DLGAP2: variants seen among roughly 807,000 people sequenced by gnomAD.
The protein encoded by DLGAP2 is disks large-associated protein 2.
Under a neutral mutation model 100.3 loss-of-function variants are expected in DLGAP2, and 26 were observed. That is an observed-to-expected ratio of 0.26 (90% CI 0.19 to 0.36). DLGAP2 has a LOEUF of 0.36. DLGAP2 is among the 10% of genes least tolerant of loss of function. The pLI is 1.00. For missense variants in DLGAP2, 1,858 were observed against 1,453.2 expected (o/e 1.28, Z -4.53); for synonymous variants, 886 against 630.1 (o/e 1.41, Z -6.08).
intron 2 of DLGAP2, among the ~76,000 whole-genome samples, chr8:1,243,786 C>A (rs1251845253): frequency 1.3e-5 from 2 of 152,162 alleles, no homozygotes; most frequent in East Asian, 1.9e-4. Context: ...GGGCCACCCA[C>A]CCTGCCACCA....
intron 1 of DLGAP2, among the ~76,000 whole-genome samples, chr8:827,153 G>T (rs1235722565): frequency 6.6e-6 from 1 of 152,190 alleles, no homozygotes; most frequent in Non-Finnish European, 1.5e-5. Flanking sequence ...GCAGCCTACA[G>T]TGCCTGGACA....
intron 14 of DLGAP2, among the ~76,000 whole-genome samples, chr8:1,699,354 C>G (rs1292536561): frequency 6.6e-6 from 1 of 151,722 alleles, no homozygotes; most frequent in Non-Finnish European, 1.5e-5. Flanking sequence ...GCCTGTAATC[C>G]CAGCACTTCG....
At chr8:1,126,077 C>T (rs1031442697) in intron 2 of DLGAP2, among the ~76,000 whole-genome samples, 17 of 152,206 alleles carry the variant, frequency 1.1e-4, no homozygotes, top group Non-Finnish European at 2.1e-4. Flanking sequence ...TTCGAACACG[C>T]GGGAAATCAA....
chr8:1,371,657 T>C (rs1327134018), intron 3 of DLGAP2, among the ~76,000 whole-genome samples: 1 of 152,240 alleles, frequency 6.6e-6, no homozygotes, highest in Non-Finnish European at 1.5e-5. Flanking sequence ...ATGTTGAAAT[T>C]TGAGGTGAAT....
chr8:1,064,024 G>A (rs184561131), intron 2 of DLGAP2, among the ~76,000 whole-genome samples: 4 of 152,244 alleles, frequency 2.6e-5, no homozygotes, highest in Non-Finnish European at 5.9e-5. Context: ...CTCCAGAAGA[G>A]CAGTTAGGAG....
At chr8:803,092 G>C (rs1796203088) in intron 1 of DLGAP2, among the ~76,000 whole-genome samples, 1 of 152,160 alleles carries the variant, frequency 6.6e-6, no homozygotes, top group South Asian at 2.1e-4. Flanking sequence ...CGCTGGTGGC[G>C]GCTTCTGGGC....
chr8:1,482,542 TA>T (rs539876527), intron 3 of DLGAP2, among the ~76,000 whole-genome samples: 132 of 152,384 alleles, frequency 8.7e-4, no homozygotes, highest in African/African-American at 2.9e-3. Context: ...GAGGACCTTG[TA>T]GTTAACAAAA....
At chr8:837,676 G>C (rs1796904684) in intron 1 of DLGAP2, among the ~76,000 whole-genome samples, 1 of 150,028 alleles carries the variant, frequency 6.7e-6, no homozygotes, top group Admixed American at 6.7e-5. Flanking sequence ...GTGTGTGTGT[G>C]TGTGTGTGTG....
intron 3 of DLGAP2, among the ~76,000 whole-genome samples, chr8:1,276,769 T>G (rs1457411042): frequency 6.6e-6 from 1 of 152,156 alleles, no homozygotes; most frequent in Non-Finnish European, 1.5e-5. Context: ...AAACGTAAAG[T>G]TGTTTTCATT....
chr8:1,434,002 G>A (rs563947714), intron 3 of DLGAP2, among the ~76,000 whole-genome samples: 1 of 152,080 alleles, frequency 6.6e-6, no homozygotes. Flanking sequence ...AGGGACTTGG[G>A]CATCTCACTA....
intron 2 of DLGAP2, among the ~76,000 whole-genome samples, chr8:1,195,503 T>A (rs996271123): frequency 6.6e-6 from 1 of 152,246 alleles, no homozygotes; most frequent in African/African-American, 2.4e-5. Context: ...AAACAATTGT[T>A]TCCCCACTTG....
intron 2 of DLGAP2, among the ~76,000 whole-genome samples, chr8:1,146,899 A>G (rs1449867603): frequency 6.6e-6 from 1 of 152,198 alleles, no homozygotes; most frequent in Non-Finnish European, 1.5e-5. Flanking sequence ...CACTGCCACA[A>G]TTATTTTTAT....
chr8:1,161,466 A>G (rs1189776949), intron 2 of DLGAP2, among the ~76,000 whole-genome samples: 2 of 152,202 alleles, frequency 1.3e-5, no homozygotes, highest in Non-Finnish European at 2.9e-5. Flanking sequence ...GATCTTGCAA[A>G]CTGGCCTAAG....
At chr8:1,623,529 A>G (rs554750206) in intron 6 of DLGAP2, among the ~76,000 whole-genome samples, 6 of 148,924 alleles carry the variant, frequency 4.0e-5, no homozygotes, top group Admixed American at 2.7e-4. Flanking sequence ...CCAGTGCGTC[A>G]TGACCTGACA....
chr8:837,830 CCTCATCCTCCTGA>C (rs1211018601), intron 1 of DLGAP2, among the ~76,000 whole-genome samples: 4 of 150,762 alleles, frequency 2.7e-5, no homozygotes, highest in Non-Finnish European at 1.5e-5. Context: ...AATTCTCCTG[CCTCATCCTCCTGA>C]GTAGCTGGGA....
At chr8:1,327,720 T>C (rs981715233) in intron 3 of DLGAP2, among the ~76,000 whole-genome samples, 6 of 151,958 alleles carry the variant, frequency 3.9e-5, no homozygotes, top group Admixed American at 1.3e-4. Flanking sequence ...GGCGGGCGCC[T>C]GTAGTCCCAG....
At chr8:1,477,037 C>G (rs1354359386) in intron 3 of DLGAP2, among the ~76,000 whole-genome samples, 2 of 152,254 alleles carry the variant, frequency 1.3e-5, no homozygotes, top group Non-Finnish European at 2.9e-5. Context: ...ATTCTCAGGT[C>G]ATTCCTTCAG....
At chr8:1,366,573 G>C (rs1161931780) in intron 3 of DLGAP2, among the ~76,000 whole-genome samples, 1 of 152,156 alleles carries the variant, frequency 6.6e-6, no homozygotes, top group Non-Finnish European at 1.5e-5. Flanking sequence ...GGAGGGATGG[G>C]GCAGAGGCAC....
chr8:1,698,957 G>C (rs1375018415), intron 14 of DLGAP2, among the ~76,000 whole-genome samples: 1 of 152,176 alleles, frequency 6.6e-6, no homozygotes, highest in African/African-American at 2.4e-5. Context: ...GCATGGGACA[G>C]GTCCATGTAA....
Sources: gnomAD v4.1 joint callset for allele counts (sites outside exome capture counted in the v4.1 genomes callset) on GRCh38, gnomAD v4.1.1 for gene constraint, MANE v1.5 for transcripts, NCBI Gene and HGNC (gene_info 2026-07-23, HGNC 2026-07-21) for gene names.